Variants in ADGRG7 observed in about 807,000 individuals in gnomAD.
ADGRG7 encodes G-protein coupled receptor 128.
Under a neutral mutation model 88.6 loss-of-function variants are expected in ADGRG7, and 82 were observed. The ratio of observed to expected loss-of-function variants is 0.93; its 90% confidence interval spans 0.77 to 1.11. ADGRG7 has a LOEUF of 1.11. Ranked by LOEUF, ADGRG7 falls within the 50% of genes most tolerant of loss-of-function variation. The pLI is 0.00. For synonymous variants in ADGRG7, 381 were observed against 345.2 expected, an observed-to-expected ratio of 1.10 and a Z score of -1.15; for missense variants, 945 against 953.4, an observed-to-expected ratio of 0.99 and a Z score of 0.12.
chr3:100,655,587 G>A (rs1487420995), intron 12 of ADGRG7, among the ~76,000 whole-genome samples: 2 of 152,154 alleles, frequency 1.3e-5, no homozygotes, highest in African/African-American at 4.8e-5. Flanking sequence ...ACTTGTTTCA[G>A]GGATATCTAA....
At chr3:100,688,350 G>A (rs1576341290) in intron 15 of ADGRG7, among the ~76,000 whole-genome samples, 1 of 151,998 alleles carries the variant, frequency 6.6e-6, no homozygotes, top group Non-Finnish European at 1.5e-5. Flanking sequence ...TTGATTTTTT[G>A]AAGGGTTTTT....
At chr3:100,632,058 T>C (rs1168853100) in intron 3 of ADGRG7, among the ~76,000 whole-genome samples, 1 of 152,142 alleles carries the variant, frequency 6.6e-6, no homozygotes, top group Non-Finnish European at 1.5e-5. Flanking sequence ...TGGTAACTAT[T>C]GTCTTGATTT....
At chr3:100,614,579 A>T (rs562373543) in intron 1 of ADGRG7, among the ~76,000 whole-genome samples, 1 of 152,274 alleles carries the variant, frequency 6.6e-6, no homozygotes, top group South Asian at 2.1e-4. Context: ...TTAAGAGTTA[A>T]CTTTATTGTC....
chr3:100,684,117 T>C (rs1311571828), intron 15 of ADGRG7, among the ~76,000 whole-genome samples: 1 of 152,114 alleles, frequency 6.6e-6, no homozygotes, highest in Non-Finnish European at 1.5e-5. Context: ...AGTTTGTTTT[T>C]ATTTGATTTT....
Position 100,659,757 on chromosome 3 carries a change from T to G in ADGRG7, c.1893T>G (p.Pro631=), listed in dbSNP as rs201892437. 1.5e-5 allele frequency: 25 copies of G among 1,613,968 alleles called. No homozygotes were observed. Among genetic ancestry groups the G allele is most frequent in the South Asian group, 2.2e-5 (2 of 91,086 alleles). ...KSPLLWSFIV[P]VTIILISNVV... Reference sequence around the variant, plus strand: ...CGCTGTTGTGGTCATTCATCGTACCTGTAACCATTATCCTCATCAGCAATG... The same window carrying G: ...CGCTGTTGTGGTCATTCATCGTACCGGTAACCATTATCCTCATCAGCAATG... The change falls in exon 14 of 16, where the codon CCT becomes CCG. Residue 631 remains proline, a synonymous_variant. Coordinates refer to ENST00000273352, the MANE Select transcript of ADGRG7 (RefSeq NM_032787.3).
At chr3:100,652,968 A>C (rs1185401203) in intron 11 of ADGRG7, among the ~76,000 whole-genome samples, 1 of 152,220 alleles carries the variant, frequency 6.6e-6, no homozygotes, top group Non-Finnish European at 1.5e-5. Flanking sequence ...TATATCTTCC[A>C]ATAAAGGGAT....
chr3:100,611,303 T>TTCCTTTCTTCCTTC (rs1559666905), intron 1 of ADGRG7, among the ~76,000 whole-genome samples: 9 of 124,350 alleles, frequency 7.2e-5, no homozygotes, highest in Non-Finnish European at 9.5e-5. Flanking sequence ...TTCCTTCCTT[T>TTCCTTTCTTCCTTC]CTTCTTTCCT....
chr3:100,670,547 G>T (rs745953405), intron 15 of ADGRG7, among the ~76,000 whole-genome samples: 4 of 152,050 alleles, frequency 2.6e-5, no homozygotes, highest in African/African-American at 7.2e-5. Flanking sequence ...GGATCATATG[G>T]TAGTTCTATT....
intron 1 of ADGRG7, among the ~76,000 whole-genome samples, chr3:100,626,192 C>G (rs1182045318): frequency 2.0e-5 from 3 of 152,042 alleles, no homozygotes; most frequent in Admixed American, 6.6e-5. Flanking sequence ...TTTCAGAGCT[C>G]GTTATTGACC....
intron 15 of ADGRG7, among the ~76,000 whole-genome samples, chr3:100,693,592 AT>A (rs2094997423): frequency 6.6e-6 from 1 of 152,188 alleles, no homozygotes; most frequent in African/African-American, 2.4e-5. Flanking sequence ...GATTCCAAAA[AT>A]AAACTCTTAA....
chr3:100,665,239 C>T, intron 14 of ADGRG7: 1 of 540,358 alleles, frequency 1.9e-6, no homozygotes. Flanking sequence ...ATGGAACTCT[C>T]CCATCCATTA....
At chr3:100,646,476 C>T in intron 9 of ADGRG7, 93 bp from the exon 10 acceptor site, 1 of 946,026 alleles carries the variant, frequency 1.1e-6, no homozygotes, top group Non-Finnish European at 1.6e-6. Context: ...ATATTTAATT[C>T]ATTTCTCAGA....
chr3:100,676,791 C>CAT (rs1385078350), intron 15 of ADGRG7, among the ~76,000 whole-genome samples: 12 of 151,726 alleles, frequency 7.9e-5, no homozygotes, highest in Admixed American at 2.0e-4. Flanking sequence ...CAGTATTGGG[C>CAT]ATATATATAT....
At chr3:100,656,085 A>C in intron 13 of ADGRG7, 90 bp downstream of exon 13, 1 of 700,312 alleles carries the variant, frequency 1.4e-6, no homozygotes, top group Non-Finnish European at 2.5e-6. Context: ...TGTAATTTGC[A>C]TTTCACTTTA....
intron 5 of ADGRG7, among the ~76,000 whole-genome samples, chr3:100,636,719 GA>G (rs1448014370): frequency 6.6e-6 from 1 of 152,130 alleles, no homozygotes; most frequent in Non-Finnish European, 1.5e-5. Flanking sequence ...AATTGAAAGA[GA>G]AAATATTGAC....
intron 1 of ADGRG7, among the ~76,000 whole-genome samples, chr3:100,621,823 G>A (rs1052263183): frequency 9.2e-5 from 14 of 152,166 alleles, no homozygotes; most frequent in Non-Finnish European, 1.9e-4. Flanking sequence ...CAGCTAGAGA[G>A]GAGAAGTCAA....
chr3:100,660,573 G>C (rs2094943896), intron 14 of ADGRG7, among the ~76,000 whole-genome samples: 1 of 152,092 alleles, frequency 6.6e-6, no homozygotes, highest in East Asian at 1.9e-4. Context: ...CCAAAGTGCT[G>C]AGATTACAGG....
At chr3:100,665,021 T>C in intron 14 of ADGRG7, 1 of 458,990 alleles carries the variant, frequency 2.2e-6, no homozygotes, top group South Asian at 1.6e-5. Flanking sequence ...GGGCAATACA[T>C]AAATACTTTA....
At chr3:100,634,820 G>A (rs1707508987) in intron 4 of ADGRG7, among the ~76,000 whole-genome samples, 1 of 152,212 alleles carries the variant, frequency 6.6e-6, no homozygotes, top group Admixed American at 6.5e-5. Context: ...CTTATTAAAT[G>A]TGATAACACC....
Sources: allele counts gnomAD v4.1 joint callset (sites outside exome capture counted in the v4.1 genomes callset), GRCh38; gene constraint gnomAD v4.1.1; transcripts MANE v1.5; gene names NCBI Gene and HGNC (gene_info 2026-07-23, HGNC 2026-07-21).